Variants in OSBPL1A observed in about 807,000 individuals in gnomAD.
OSBPL1A encodes oxysterol binding protein like 1A, also known as oxysterol-binding protein-related protein 1.
Under a neutral mutation model 137.1 loss-of-function variants are expected in OSBPL1A, and 80 were observed. The observed-to-expected ratio is 0.58, with a 90% CI of 0.49 to 0.70. The LOEUF (loss-of-function observed/expected upper bound fraction) is 0.70, where lower values mean the gene tolerates loss of function less well. OSBPL1A is among the 30% of genes least tolerant of loss of function. The pLI is 0.00. For missense variants in OSBPL1A, 970 were observed against 1,129.4 expected (o/e 0.86, Z 2.02); for synonymous variants, 365 against 389.7 (o/e 0.94, Z 0.75).
rs371367188 is a variant in OSBPL1A at position 24,317,349 on chromosome 18, C to G, written c.784G>C (p.Val262Leu). 10 of 1,613,660 alleles carry G rather than the reference C, an allele frequency of 6.2e-6. No homozygotes were observed. The highest frequency in any genetic ancestry group is 7.6e-6 in the Non-Finnish European group (9 of 1,179,716). The change falls in exon 10 of 28, where the codon GTC becomes CTC. Residue 262 changes from valine (V) to leucine (L), a missense_variant. Transcript: ENST00000319481. ...TACTGTTTCCTATACCATGAAAGGA[C>G]TCCATGCTCTAACACTACCCAGAAT... Reference protein sequence around the residue: ...RLFWVVLEHGVLSWYRKQPDA... With the variant: ...RLFWVVLEHGLLSWYRKQPDA...
At chr18:24,351,870 G>C (rs754845376) in intron 4 of OSBPL1A, among the ~76,000 whole-genome samples, 1 of 152,102 alleles carries the variant, frequency 6.6e-6, no homozygotes, top group Admixed American at 6.6e-5. Flanking sequence ...AAAATAAGGC[G>C]TTATACCAAA....
At position 24,323,558 on chromosome 18, in the gene OSBPL1A, T is replaced by A. The variant is rs1445825733; in HGVS notation, c.626-4749A>T. 1.3e-4 allele frequency among the ~76,000 whole-genome samples: 7 copies of A among 54,638 alleles called. 2 individuals carry two copies. Among genetic ancestry groups the A allele is most frequent in the Admixed American group, 1.2e-4 (1 of 8,578 alleles). 35.8% of individuals were successfully genotyped at this position (54,638 alleles called of 152,430 possible). A position where few individuals can be genotyped will look rare whatever the true frequency, so the allele number is the denominator to read the frequency against. The stretch of plus-strand genomic sequence containing the variant: ...CTTTTTCTTTTTTTTTTTTTTTTTT[T>A]TTTATTATACTCTAAGTTTTAGGGT... On this transcript the variant is annotated intron_variant, in intron 7 of 27. Coordinates refer to ENST00000319481, the MANE Select transcript of OSBPL1A (RefSeq NM_080597.4).
rs192127156 is a variant in OSBPL1A, at chr18:24,383,690, G to T, written c.-2-6155C>A. Among the ~76,000 whole-genome samples, 9 of 152,322 alleles carry T rather than the reference G, an allele frequency of 5.9e-5. No homozygotes were observed. In the East Asian group the frequency reaches 1.7e-3, roughly 29 times the overall value. ...AATTGCTTGAACCTAGGAGGCGGAG[G>T]TTGCAATGAGCTGAGATCGTGCCAC... On this transcript the variant is annotated intron_variant, in intron 1 of 27. Transcript: ENST00000319481.
chr18:24,175,108 G>GTATATATATATATA (rs71163664), intron 21 of OSBPL1A, among the ~76,000 whole-genome samples: 4 of 111,530 alleles, frequency 3.6e-5, no homozygotes, highest in Admixed American at 2.6e-4. Context: ...CCATGTGTAT[G>GTATATATATATATA]TATATATATA....
At chr18:24,254,081 C>A (rs562109549) in intron 15 of OSBPL1A, among the ~76,000 whole-genome samples, 2 of 152,290 alleles carry the variant, frequency 1.3e-5, no homozygotes, top group Non-Finnish European at 2.9e-5. Flanking sequence ...ATGTTAGAAG[C>A]AAGATGGAGT....
At chr18:24,349,430 TC>T (rs1465994426) in intron 4 of OSBPL1A, among the ~76,000 whole-genome samples, 2 of 152,038 alleles carry the variant, frequency 1.3e-5, no homozygotes, top group African/African-American at 4.8e-5. Flanking sequence ...AAAATGAACA[TC>T]CGGTCAAAAA....
chr18:24,267,162 A>G (rs180766310), intron 15 of OSBPL1A, among the ~76,000 whole-genome samples: 1 of 151,692 alleles, frequency 6.6e-6, no homozygotes, highest in Non-Finnish European at 1.5e-5. Flanking sequence ...TTAAAAAAAA[A>G]AAAGAAAGAA....
In OSBPL1A at chr18:24,271,438, G is replaced by T; in HGVS notation, c.1281+9404C>A. ...ACTGGGAAGAGAGCAGGGTCTCCCG[G>T]CTGGTGCGCCCCTCCCCACGCGCCC... On this transcript the variant is annotated intron_variant, in intron 15 of 27. Coordinates refer to ENST00000319481, the MANE Select transcript of OSBPL1A (RefSeq NM_080597.4). The surrounding 1 kb of genome is among the most constrained non-coding windows in gnomAD (Gnocchi z 4.0). 2.0e-6 allele frequency: 1 copy of T among 495,560 alleles called. No individual in the cohort carries two copies. Among genetic ancestry groups the T allele is most frequent in the Non-Finnish European group, 2.6e-6 (1 of 382,324 alleles). The allele number at this position is 495,560 out of a possible 1,614,324, so 30.7% of individuals were successfully genotyped here.
chr18:24,315,712 TATA>T (rs1336341108), intron 11 of OSBPL1A, among the ~76,000 whole-genome samples: 1 of 98,410 alleles, frequency 1.0e-5, no homozygotes, highest in African/African-American at 3.6e-5. Context: ...TAATAAAATA[TATA>T]ATATATGTAA....
chr18:24,283,281 A>AAAAAAATAT (rs1246058393), intron 14 of OSBPL1A, among the ~76,000 whole-genome samples: 56 of 78,332 alleles, frequency 7.1e-4, no homozygotes, highest in African/African-American at 1.9e-3. Flanking sequence ...AAAAAAAAAA[A>AAAAAAATAT]ATATATATAT....
At chr18:24,268,525 A>T (rs927672729) in intron 15 of OSBPL1A, among the ~76,000 whole-genome samples, 4 of 150,728 alleles carry the variant, frequency 2.7e-5, no homozygotes, top group South Asian at 2.1e-4. Flanking sequence ...CATGTACCCC[A>T]TTTTTTTTTG....
intron 1 of OSBPL1A, among the ~76,000 whole-genome samples, chr18:24,385,521 C>CA (rs1357578536): frequency 6.6e-6 from 1 of 152,020 alleles, no homozygotes; most frequent in African/African-American, 2.4e-5. Context: ...CAAAGGAGGC[C>CA]AGGGAAGAGG....
chr18:24,215,547 T>C (rs554555049), intron 17 of OSBPL1A, among the ~76,000 whole-genome samples: 1 of 152,308 alleles, frequency 6.6e-6, no homozygotes, highest in Non-Finnish European at 1.5e-5. Flanking sequence ...TTTATTATTA[T>C]ATATGGTGTT....
chr18:24,221,806 CT>C (rs926137115), intron 17 of OSBPL1A, among the ~76,000 whole-genome samples: 2 of 152,052 alleles, frequency 1.3e-5, no homozygotes, highest in African/African-American at 2.4e-5. Flanking sequence ...TTATTACACC[CT>C]TTTTTTCCCA....
chr18:24,210,605 C>T (rs1415889886), intron 17 of OSBPL1A, among the ~76,000 whole-genome samples: 1 of 150,654 alleles, frequency 6.6e-6, no homozygotes, highest in African/African-American at 2.4e-5. Flanking sequence ...ACGATCATGA[C>T]TCACTTGCAG....
chr18:24,294,988 A>C (rs1408268999), intron 14 of OSBPL1A, among the ~76,000 whole-genome samples: 7 of 152,190 alleles, frequency 4.6e-5, no homozygotes, highest in Admixed American at 1.3e-4. Flanking sequence ...GGGAATCTCC[A>C]TACTGTTCTC....
chr18:24,361,154 C>T lies in OSBPL1A; in HGVS notation c.282+5738G>A, dbSNP rs576379926. Among the ~76,000 whole-genome samples, 117 of 152,214 alleles carry T rather than the reference C, an allele frequency of 7.7e-4. 3 individuals are homozygous for T. In the South Asian group the frequency reaches 0.024, roughly 31 times the overall value. On this transcript the variant is annotated intron_variant, in intron 4 of 27. Transcript: ENST00000319481. ...AAGTGATCCTCCCATTTCAGCCTCC[C>T]GAGTAGCTGGGACTACAGATGCATG...
intron 5 of OSBPL1A, among the ~76,000 whole-genome samples, chr18:24,337,025 C>CAATAATG (rs1226167083): frequency 6.6e-6 from 1 of 152,100 alleles, no homozygotes; most frequent in Non-Finnish European, 1.5e-5. Flanking sequence ...TTAACATCAC[C>CAATAATG]AATAATGAAA....
intron 4 of OSBPL1A, among the ~76,000 whole-genome samples, chr18:24,366,197 C>T (rs1481968670): frequency 6.6e-6 from 1 of 152,102 alleles, no homozygotes; most frequent in East Asian, 1.9e-4. Context: ...ATACATAGGG[C>T]AAGGCATGGA....
Sources: gnomAD v4.1 joint callset for allele counts (sites outside exome capture counted in the v4.1 genomes callset) on GRCh38, gnomAD v4.1.1 for gene constraint, Gnocchi (gnomAD v3.1) non-coding constraint, MANE v1.5 for transcripts, NCBI Gene and HGNC (gene_info 2026-07-23, HGNC 2026-07-21) for gene names.